FHOD3: variants seen among roughly 807,000 people sequenced by gnomAD.
FHOD3 encodes formin homology 2 domain containing 3, also known as FH1/FH2 domain-containing protein 3.
FHOD3 carries 90 observed loss-of-function variants against 173.0 expected under a neutral mutation model. That is an observed-to-expected ratio of 0.52 (90% CI 0.44 to 0.62). FHOD3 has a LOEUF of 0.62. FHOD3 is among the 20% of genes least tolerant of loss of function. The pLI is 0.00. For synonymous variants in FHOD3, 828 were observed against 823.0 expected, an observed-to-expected ratio of 1.01 and a Z score of -0.10; for missense variants, 1,945 against 2,034.7, an observed-to-expected ratio of 0.96 and a Z score of 0.85.
At chr18:36,611,522 C>G (rs1016273319) in intron 8 of FHOD3, among the ~76,000 whole-genome samples, 2 of 152,226 alleles carry the variant, frequency 1.3e-5, no homozygotes, top group African/African-American at 2.4e-5. Context: ...GGGATAATCT[C>G]TTTCCAGTCC....
chr18:36,563,642 C>T (rs1293988802), intron 5 of FHOD3, among the ~76,000 whole-genome samples: 1 of 152,238 alleles, frequency 6.6e-6, no homozygotes, highest in Non-Finnish European at 1.5e-5. Context: ...GTGGAGATTA[C>T]ATGCAAACCA....
At chr18:36,518,224 G>T (rs550843301) in intron 5 of FHOD3, among the ~76,000 whole-genome samples, 1 of 152,328 alleles carries the variant, frequency 6.6e-6, no homozygotes, top group South Asian at 2.1e-4. Flanking sequence ...ACTAAGGTTA[G>T]GTCTTTGGCT....
intron 1 of FHOD3, among the ~76,000 whole-genome samples, chr18:36,345,148 T>C (rs1259325654): frequency 1.3e-5 from 2 of 152,160 alleles, no homozygotes; most frequent in African/African-American, 4.8e-5. Context: ...ATTATTTTCA[T>C]GTATTGGGCC....
chr18:36,440,009 T>TCTTA (rs2051044744), intron 3 of FHOD3, among the ~76,000 whole-genome samples: 2 of 152,122 alleles, frequency 1.3e-5, no homozygotes, highest in South Asian at 4.2e-4. Context: ...AGAAATAATG[T>TCTTA]CTTACTAGCT....
intron 10 of FHOD3, among the ~76,000 whole-genome samples, chr18:36,646,882 A>T (rs2035719407): frequency 2.0e-5 from 3 of 152,352 alleles, no homozygotes; most frequent in South Asian, 2.1e-4. Flanking sequence ...TGAATGAAAG[A>T]CAATAGAGAA....
chr18:36,648,101 A>G (rs2035811772), intron 10 of FHOD3, among the ~76,000 whole-genome samples: 1 of 152,236 alleles, frequency 6.6e-6, no homozygotes, highest in Admixed American at 6.5e-5. Flanking sequence ...GACTGAAAGC[A>G]AGAAGATGCT....
intron 10 of FHOD3, among the ~76,000 whole-genome samples, chr18:36,628,060 T>C (rs1317434751): frequency 6.6e-6 from 1 of 152,172 alleles, no homozygotes; most frequent in African/African-American, 2.4e-5. Flanking sequence ...ATGCCAACTT[T>C]TGTAAAGAAG....
At chr18:36,347,782 A>C (rs1364796955) in intron 1 of FHOD3, among the ~76,000 whole-genome samples, 5 of 152,242 alleles carry the variant, frequency 3.3e-5, no homozygotes, top group Non-Finnish European at 7.3e-5. Flanking sequence ...TATCATGTGA[A>C]TTGATTTCAT....
chr18:36,419,839 T>C (rs2049896167), intron 3 of FHOD3, among the ~76,000 whole-genome samples: 1 of 152,212 alleles, frequency 6.6e-6, no homozygotes, highest in African/African-American at 2.4e-5. Context: ...CTTCTTTCCA[T>C]ATCAAGAAGA....
intron 2 of FHOD3, among the ~76,000 whole-genome samples, chr18:36,363,309 G>A (rs562911981): frequency 1.3e-5 from 2 of 152,316 alleles, no homozygotes; most frequent in African/African-American, 2.4e-5. Flanking sequence ...TTACCCAAAT[G>A]AGTTGAAAAC....
At chr18:36,630,064 C>T (rs1388732360) in intron 10 of FHOD3, among the ~76,000 whole-genome samples, 2 of 151,830 alleles carry the variant, frequency 1.3e-5, no homozygotes, top group African/African-American at 4.9e-5. Context: ...GAAGGCAGAT[C>T]GTTGGTTATG....
intron 2 of FHOD3, among the ~76,000 whole-genome samples, chr18:36,365,364 A>G (rs2046848943): frequency 6.6e-6 from 1 of 152,240 alleles, no homozygotes; most frequent in Admixed American, 6.5e-5. Context: ...TGTAAATCAT[A>G]TATCTGATAT....
chr18:36,634,311 G>A (rs1032867636), intron 10 of FHOD3, among the ~76,000 whole-genome samples: 2 of 152,102 alleles, frequency 1.3e-5, no homozygotes, highest in Admixed American at 1.3e-4. Flanking sequence ...AAATCGGGGA[G>A]CCTACTTATG....
chr18:36,654,565 C>G lies in FHOD3; in HGVS notation c.1721+1149C>G, dbSNP rs192724892. On this transcript the variant is annotated intron_variant, in intron 13 of 28. Coordinates refer to ENST00000590592, the MANE Select transcript of FHOD3 (RefSeq NM_001281740.3). The stretch of plus-strand genomic sequence containing the variant: ...CAGTCCTTAGTCAAATGAGACTTAA[C>G]TTCTGTCAGAAGAAGCCTGATTTCA... Among the ~76,000 whole-genome samples the G allele has an allele frequency of 3.2e-3, 487 of 152,300 alleles. 2 individuals are homozygous for G. Among genetic ancestry groups the G allele is most frequent in the Non-Finnish European group, 3.4e-3 (232 of 68,022 alleles).
intron 1 of FHOD3, among the ~76,000 whole-genome samples, chr18:36,333,566 CCACGTTTA>C (rs752706875): frequency 2.0e-5 from 3 of 152,242 alleles, no homozygotes; most frequent in Non-Finnish European, 4.4e-5. Flanking sequence ...GAACAGTCCA[CCACGTTTA>C]CACAATCCAG....
At chr18:36,326,613 A>G (rs1289392917) in intron 1 of FHOD3, among the ~76,000 whole-genome samples, 1 of 151,744 alleles carries the variant, frequency 6.6e-6, no homozygotes, top group African/African-American at 2.4e-5. Flanking sequence ...ACAAAAACAT[A>G]ATTAAAAAAA....
intron 3 of FHOD3, among the ~76,000 whole-genome samples, chr18:36,489,944 C>T (rs2145747181): frequency 6.6e-6 from 1 of 152,258 alleles, no homozygotes; most frequent in South Asian, 2.1e-4. Flanking sequence ...AGAGAGAGGC[C>T]AGAAGTAAGT....
At chr18:36,463,638 G>A (rs1203543129) in intron 3 of FHOD3, among the ~76,000 whole-genome samples, 1 of 149,900 alleles carries the variant, frequency 6.7e-6, no homozygotes, top group South Asian at 2.1e-4. Flanking sequence ...TGGGACTACA[G>A]GTGTGCACCA....
At chr18:36,460,197 T>G (rs1026365861) in intron 3 of FHOD3, among the ~76,000 whole-genome samples, 7 of 152,200 alleles carry the variant, frequency 4.6e-5, no homozygotes, top group African/African-American at 1.7e-4. Flanking sequence ...TGTCCCCCAC[T>G]GTTCTGCTAC....
Sources: allele counts gnomAD v4.1 joint callset (sites outside exome capture counted in the v4.1 genomes callset), GRCh38; gene constraint gnomAD v4.1.1; transcripts MANE v1.5; gene names NCBI Gene and HGNC (gene_info 2026-07-23, HGNC 2026-07-21).